Variants in GCNT4 observed in about 807,000 individuals in gnomAD.
GCNT4 encodes the protein glucosaminyl (N-acetyl) transferase 4.
Under a neutral mutation model 31.3 loss-of-function variants are expected in GCNT4, and 17 were observed. The observed-to-expected ratio is 0.54, with a 90% CI of 0.37 to 0.81. The LOEUF is 0.81. GCNT4 is among the 40% of genes least tolerant of loss of function. The pLI, the probability that GCNT4 is intolerant of heterozygous loss-of-function variation, is 0.00. For synonymous variants in GCNT4, 158 were observed against 190.6 expected, an observed-to-expected ratio of 0.83 and a Z score of 1.41; for missense variants, 503 against 525.5, an observed-to-expected ratio of 0.96 and a Z score of 0.42.
At chr5:75,049,770 T>C (rs78588827) in intron 2 of GCNT4, among the ~76,000 whole-genome samples, 9,064 of 152,284 alleles carry the variant, frequency 0.06, 298 homozygotes, top group Middle Eastern at 0.11. Context: ...ACACATTAAG[T>C]AGAAGGTGCC....
At chr5:75,037,692 C>T (rs1177497792) in intron 3 of GCNT4, among the ~76,000 whole-genome samples, 1 of 151,950 alleles carries the variant, frequency 6.6e-6, no homozygotes, top group East Asian at 1.9e-4. Flanking sequence ...GCCTGGTCAA[C>T]ATGGTGAAAC....
chr5:75,024,457 C>T (rs1004708107), downstream of GCNT4, among the ~76,000 whole-genome samples: 1 of 152,112 alleles, frequency 6.6e-6, no homozygotes, highest in African/African-American at 2.4e-5. Context: ...TATCTACATA[C>T]TGGGTAGGCT....
chr5:75,023,031 A>G (rs1332386753), downstream of GCNT4, among the ~76,000 whole-genome samples: 1 of 152,202 alleles, frequency 6.6e-6, no homozygotes, highest in East Asian at 1.9e-4. Flanking sequence ...GAAGCTGGGA[A>G]TTAACAGCTG....
chr5:75,035,481 T>C (rs1743175833), intron 3 of GCNT4, among the ~76,000 whole-genome samples: 1 of 152,228 alleles, frequency 6.6e-6, no homozygotes, highest in South Asian at 2.1e-4. Flanking sequence ...GCCACAGACC[T>C]TGGGCCTGAG....
chr5:75,053,319 T>C (rs1743631252), upstream of GCNT4, among the ~76,000 whole-genome samples: 1 of 151,688 alleles, frequency 6.6e-6, no homozygotes, highest in African/African-American at 2.4e-5. Context: ...TTCAGCCCGG[T>C]TCCCCGCGCG....
chr5:75,037,472 C>T lies in GCNT4; in HGVS notation c.-1-7434G>A, dbSNP rs148828245. On this transcript the variant is annotated intron_variant, in intron 3 of 3. Coordinates refer to ENST00000652361, the MANE Select transcript of GCNT4 (RefSeq NM_001366737.1). ...GCAAAACACAAGGAGACGTATGACT[C>T]GGTCAGAAATCCAATACAAATTGAG... is the stretch of plus-strand genomic sequence containing the variant. 2.4e-3 allele frequency among the ~76,000 whole-genome samples: 358 copies of T among 152,266 alleles called. 3 individuals carry two copies. Among genetic ancestry groups the T allele is most frequent in the Non-Finnish European group, 4.1e-3 (281 of 68,024 alleles).
At chr5:75,050,998 C>A (rs1191394559) in intron 2 of GCNT4, among the ~76,000 whole-genome samples, 1 of 152,264 alleles carries the variant, frequency 6.6e-6, no homozygotes, top group Non-Finnish European at 1.5e-5. Flanking sequence ...CGCCACAATG[C>A]CCCTTGGCAT....
chr5:75,023,509 G>T (rs1232929617), downstream of GCNT4, among the ~76,000 whole-genome samples: 3 of 151,816 alleles, frequency 2.0e-5, no homozygotes, highest in Middle Eastern at 3.2e-3. Flanking sequence ...TCATAGCACT[G>T]TTATTTATGA....
chr5:75,031,427 T>C (rs1355628894), intron 3 of GCNT4, among the ~76,000 whole-genome samples: 1 of 152,182 alleles, frequency 6.6e-6, no homozygotes, highest in Non-Finnish European at 1.5e-5. Flanking sequence ...TGGGCCATAT[T>C]GTCTCAGTCA....
chr5:75,036,383 CTAAA>C (rs761972995), intron 3 of GCNT4, among the ~76,000 whole-genome samples: 42 of 152,272 alleles, frequency 2.8e-4, no homozygotes, highest in Middle Eastern at 6.8e-3. Context: ...TGTAAGACAA[CTAAA>C]TAAATGCCCA....
Position 75,026,395 on chromosome 5 carries a change from A to G in GCNT4, c.*2281T>C, listed in dbSNP as rs760640279. The G allele has an allele frequency of 2.0e-5, 3 of 152,048 alleles. No homozygotes were observed. Among genetic ancestry groups the G allele is most frequent in the Non-Finnish European group, 4.4e-5 (3 of 68,000 alleles). The allele number at this position is 152,048 out of a possible 1,614,324, so 9.4% of individuals were successfully genotyped here. On this transcript the variant is annotated 3_prime_UTR_variant, in exon 4 of 4. Transcript: ENST00000652361. The stretch of plus-strand genomic sequence containing the variant: ...TGTCACTGTACCAACCTGTAACCCT[A>G]TTGGCTTAGAAAGAAACCCCAAATG...
chr5:75,053,606 C>T (rs1041690647), upstream of GCNT4, among the ~76,000 whole-genome samples: 6 of 152,102 alleles, frequency 3.9e-5, no homozygotes, highest in Admixed American at 3.3e-4. Flanking sequence ...GGTTCCCAGG[C>T]TCTCCGCGGC....
rs1743024981 is a variant in GCNT4 at position 75,029,878 on chromosome 5, G to A, written c.160C>T (p.Pro54Ser). The change falls in exon 4 of 4, where the codon CCT becomes TCT. Residue 54 changes from proline to serine, a missense_variant. Transcript: ENST00000652361. ...TGAGTGTATCTGTTTCTTACAAAAGGCGAGGTACTTAGGGAGTACTCAACC... is the reference window on the plus strand; with the variant it reads ...TGAGTGTATCTGTTTCTTACAAAAGACGAGGTACTTAGGGAGTACTCAACC... ...YLVEYSLSTS[P>S]FVRNRYTHVK... 6.2e-7 allele frequency: 1 copy of A among 1,614,092 alleles called. No individual in the cohort carries two copies. The highest frequency in any genetic ancestry group is 2.2e-5 in the East Asian group (1 of 44,870).
intron 3 of GCNT4, among the ~76,000 whole-genome samples, chr5:75,041,944 T>TA (rs1743330090): frequency 6.6e-6 from 1 of 152,202 alleles, no homozygotes; most frequent in African/African-American, 2.4e-5. Context: ...AGTAAAACAT[T>TA]AACAGTTTTT....
Position 75,028,735 on chromosome 5 carries a change from A to T in GCNT4, c.1303T>A (p.Trp435Arg). 6.2e-7 allele frequency: 1 copy of T among 1,613,916 alleles called. No homozygotes were observed. Among genetic ancestry groups the T allele is most frequent in the Non-Finnish European group, 8.5e-7 (1 of 1,179,880 alleles). ...AACTTTTCTGAGGGCAAAGTGATCC[A>T]GTCTCTCTGCTGTTCTTCAAGCTTT... ...AEKLEEQQRDWITLPSEKLFM... is the reference protein window; with the variant it reads ...AEKLEEQQRDRITLPSEKLFM... Residue 435 changes from tryptophan (W) to arginine (R), a missense_variant, in exon 4 of 4, where the codon TGG (tryptophan) becomes AGG (arginine). Coordinates refer to ENST00000652361, the MANE Select transcript of GCNT4 (RefSeq NM_001366737.1).
chr5:75,020,924 A>G (rs78911259), downstream of GCNT4, among the ~76,000 whole-genome samples: 212 of 151,718 alleles, frequency 1.4e-3, 3 homozygotes, highest in East Asian at 0.033. Context: ...GTTGGGATTC[A>G]TCATGCTCTT....
chr5:75,030,277 A>G (rs2149953293), intron 3 of GCNT4: 1 of 470,734 alleles, frequency 2.1e-6, no homozygotes, highest in Middle Eastern at 6.1e-4. Flanking sequence ...GTTTCCAAAC[A>G]GAAGGGAAGG....
In GCNT4 at chr5:75,039,894, G is replaced by A. The variant is rs78251351; in HGVS notation, c.-2+8003C>T. Among the ~76,000 whole-genome samples the A allele has an allele frequency of 1.3e-4, 20 of 152,136 alleles. No individual in the cohort carries two copies. The East Asian group carries it at 2.3e-3, about 18-fold the overall frequency. On this transcript the variant is annotated intron_variant, in intron 3 of 3. Coordinates refer to ENST00000652361, the MANE Select transcript of GCNT4 (RefSeq NM_001366737.1). ...CTCCCTACATCTAAAACCCTTCATT[G>A]GGATTTCATGTCATGTAGAATACAA...
intron 3 of GCNT4, among the ~76,000 whole-genome samples, chr5:75,040,578 GATA>G (rs905095638): frequency 6.6e-6 from 1 of 152,138 alleles, no homozygotes; most frequent in Non-Finnish European, 1.5e-5. Context: ...TGTTAAATGG[GATA>G]ATGTTTTTTC....
Sources: gnomAD v4.1 joint callset for allele counts (sites outside exome capture counted in the v4.1 genomes callset) on GRCh38, gnomAD v4.1.1 for gene constraint, MANE v1.5 for transcripts, NCBI Gene and HGNC (gene_info 2026-07-23, HGNC 2026-07-21) for gene names.